The following CDKAL1 variants were observed in gnomAD, a reference collection of about 807,000 sequenced individuals.
The protein encoded by CDKAL1 is threonylcarbamoyladenosine tRNA methylthiotransferase.
In CDKAL1, 32 loss-of-function variants were observed where a neutral mutation model predicts 68.2. That is an observed-to-expected ratio of 0.47 (90% CI 0.35 to 0.63). The LOEUF (loss-of-function observed/expected upper bound fraction) is 0.63, where lower values mean the gene tolerates loss of function less well. Ranked by LOEUF, CDKAL1 falls within the 30% of genes least tolerant of loss-of-function variation. The pLI is 0.00. For synonymous variants in CDKAL1, 234 were observed against 244.3 expected (o/e 0.96, Z 0.39); for missense variants, 606 against 696.7 (o/e 0.87, Z 1.47).
At position 20,743,985 on chromosome 6, in the gene CDKAL1, A is replaced by T. The variant is rs527963707; in HGVS notation, c.468+4370A>T. On this transcript the variant is annotated intron_variant, in intron 6 of 15. Coordinates refer to ENST00000274695, the MANE Select transcript of CDKAL1 (RefSeq NM_017774.3). ...TGTATCTAGATGATGTATATTTATG[A>T]GTGACCAGTATAGAATCAGGATCTT... 5.3e-5 allele frequency among the ~76,000 whole-genome samples: 8 copies of T among 152,362 alleles called. No individual in the cohort carries two copies. The East Asian group carries it at 1.5e-3, about 29-fold the overall frequency.
chr6:20,798,543 G>C (rs1428335884), intron 8 of CDKAL1, among the ~76,000 whole-genome samples: 2 of 151,992 alleles, frequency 1.3e-5, no homozygotes, highest in Non-Finnish European at 2.9e-5. Flanking sequence ...ACTGGTTTAA[G>C]AAAATGTGGC....
chr6:20,665,992 C>A (rs551143960), intron 5 of CDKAL1, among the ~76,000 whole-genome samples: 1 of 151,996 alleles, frequency 6.6e-6, no homozygotes, highest in East Asian at 1.9e-4. Flanking sequence ...TGGATTTAAC[C>A]ACTTACTGAT....
chr6:20,596,890 G>C (rs907472852), intron 4 of CDKAL1, among the ~76,000 whole-genome samples: 1 of 152,148 alleles, frequency 6.6e-6, no homozygotes, highest in African/African-American at 2.4e-5. Context: ...CCTTGGCTAG[G>C]GGAGGGAGTT....
intron 12 of CDKAL1, among the ~76,000 whole-genome samples, chr6:21,097,567 T>G (rs1405428691): frequency 6.6e-6 from 1 of 152,182 alleles, no homozygotes; most frequent in Non-Finnish European, 1.5e-5. Context: ...CATTCTGGAC[T>G]GCAATTAATT....
At chr6:20,873,553 A>G (rs1760333619) in intron 9 of CDKAL1, among the ~76,000 whole-genome samples, 1 of 152,148 alleles carries the variant, frequency 6.6e-6, no homozygotes, top group African/African-American at 2.4e-5. Flanking sequence ...ATTTCCTCAA[A>G]TTTACATAGC....
At chr6:20,960,069 T>G (rs1326178359) in intron 10 of CDKAL1, among the ~76,000 whole-genome samples, 1 of 152,178 alleles carries the variant, frequency 6.6e-6, no homozygotes, top group Non-Finnish European at 1.5e-5. Flanking sequence ...TGTGATCTGT[T>G]TTTCCTCTTA....
chr6:21,165,686 C>G (rs1396805924), intron 13 of CDKAL1, among the ~76,000 whole-genome samples: 1 of 152,172 alleles, frequency 6.6e-6, no homozygotes, highest in African/African-American at 2.4e-5. Flanking sequence ...CTGACCATGT[C>G]ATGTGGTAGC....
intron 4 of CDKAL1, among the ~76,000 whole-genome samples, chr6:20,643,496 G>A (rs2328530): frequency 0.84 from 128,440 of 152,024 alleles, 54,686 homozygotes; most frequent in African/African-American, 0.96. Context: ...AGTTTTTGCA[G>A]AGTTGATGGT....
intron 5 of CDKAL1, among the ~76,000 whole-genome samples, chr6:20,668,063 G>T (rs529544068): frequency 3.3e-5 from 5 of 151,298 alleles, no homozygotes; most frequent in Non-Finnish European, 7.4e-5. Flanking sequence ...TCCTCCCTTT[G>T]TGTTTTTCCC....
intron 11 of CDKAL1, among the ~76,000 whole-genome samples, chr6:21,043,904 A>C (rs1314402043): frequency 6.6e-6 from 1 of 152,114 alleles, no homozygotes; most frequent in Non-Finnish European, 1.5e-5. Flanking sequence ...TTGCCACCCC[A>C]GTTTTCTTCA....
At chr6:20,665,775 T>C (rs1050239207) in intron 5 of CDKAL1, among the ~76,000 whole-genome samples, 3 of 152,048 alleles carry the variant, frequency 2.0e-5, no homozygotes, top group Admixed American at 1.3e-4. Flanking sequence ...AGCTACTATA[T>C]GTAAAATGGA....
At chr6:20,600,787 TACAC>T (rs1258008059) in intron 4 of CDKAL1, among the ~76,000 whole-genome samples, 25 of 146,930 alleles carry the variant, frequency 1.7e-4, no homozygotes, top group African/African-American at 4.3e-4. Flanking sequence ...TATATATATA[TACAC>T]ACACACACAT....
At chr6:21,195,540 T>C (rs914574607) in intron 13 of CDKAL1, among the ~76,000 whole-genome samples, 5 of 150,264 alleles carry the variant, frequency 3.3e-5, no homozygotes, top group Non-Finnish European at 5.9e-5. Context: ...AGACAGGGTC[T>C]TATTCAGTCA....
chr6:20,953,106 G>A (rs989320226), intron 9 of CDKAL1, among the ~76,000 whole-genome samples: 1 of 152,188 alleles, frequency 6.6e-6, no homozygotes, highest in African/African-American at 2.4e-5. Context: ...ATTATATAGA[G>A]TATTTTAGCA....
intron 15 of CDKAL1, among the ~76,000 whole-genome samples, chr6:21,216,328 A>C (rs2151120659): frequency 6.6e-6 from 1 of 152,370 alleles, no homozygotes; most frequent in East Asian, 1.9e-4. Context: ...CAGGCTGGGC[A>C]TAGTGGCTCA....
At chr6:20,959,494 A>T (rs1479420371) in intron 10 of CDKAL1, among the ~76,000 whole-genome samples, 1 of 152,066 alleles carries the variant, frequency 6.6e-6, no homozygotes, top group East Asian at 1.9e-4. Flanking sequence ...TTTTTCTATT[A>T]CATTCTTATT....
chr6:20,941,817 C>T (rs1387686459), intron 9 of CDKAL1, among the ~76,000 whole-genome samples: 4 of 152,284 alleles, frequency 2.6e-5, no homozygotes, highest in South Asian at 4.1e-4. Flanking sequence ...TTATTGTTTT[C>T]GTCAGTGCTA....
At chr6:20,750,208 T>C (rs1773855192) in intron 6 of CDKAL1, among the ~76,000 whole-genome samples, 1 of 152,130 alleles carries the variant, frequency 6.6e-6, no homozygotes, top group South Asian at 2.1e-4. Flanking sequence ...CCCAAGTAGC[T>C]GGGACTGCAG....
chr6:20,737,052 A>G lies in CDKAL1; in HGVS notation c.372-2467A>G, dbSNP rs539281838. Among the ~76,000 whole-genome samples the G allele has an allele frequency of 2.0e-5, 3 of 152,220 alleles. No individual in the cohort carries two copies. In the East Asian group the frequency reaches 5.8e-4, roughly 29 times the overall value. On this transcript the variant is annotated intron_variant, in intron 5 of 15. Coordinates refer to ENST00000274695, the MANE Select transcript of CDKAL1 (RefSeq NM_017774.3). ...TTCTTTCTACAGTATAAGCCCTCTC[A>G]TTCTCCCAATTACAGAAATTATTTC...
Sources: allele counts gnomAD v4.1 joint callset (sites outside exome capture counted in the v4.1 genomes callset), GRCh38; gene constraint gnomAD v4.1.1; transcripts MANE v1.5; gene names NCBI Gene and HGNC (gene_info 2026-07-23, HGNC 2026-07-21).